CLVS2: variants seen among roughly 807,000 people sequenced by gnomAD.
The protein encoded by CLVS2 is clavesin-2.
In CLVS2, 19 loss-of-function variants were observed where a neutral mutation model predicts 29.0. The observed-to-expected ratio is 0.66, with a 90% CI of 0.46 to 0.96. The LOEUF (loss-of-function observed/expected upper bound fraction) is 0.96. Ranked by LOEUF, CLVS2 falls within the 40% of genes least tolerant of loss-of-function variation. The pLI, the probability that CLVS2 is intolerant of heterozygous loss-of-function variation, is 0.00. For synonymous variants in CLVS2, 161 were observed against 151.3 expected, an observed-to-expected ratio of 1.06 and a Z score of -0.47; for missense variants, 294 against 404.1, an observed-to-expected ratio of 0.73 and a Z score of 2.34.
chr6:123,004,665 C>A (rs1447473584), intron 2 of CLVS2, among the ~76,000 whole-genome samples: 2 of 152,168 alleles, frequency 1.3e-5, no homozygotes, highest in Non-Finnish European at 2.9e-5. Flanking sequence ...GTAATGCCAG[C>A]ACTTTGGGAG....
At chr6:123,056,997 G>A (rs1192593853) in intron 5 of CLVS2, among the ~76,000 whole-genome samples, 1 of 152,122 alleles carries the variant, frequency 6.6e-6, no homozygotes, top group East Asian at 1.9e-4. Context: ...TCAATAGTCT[G>A]GGGAGTTGTC....
intron 3 of CLVS2, among the ~76,000 whole-genome samples, chr6:123,041,081 G>A (rs960533853): frequency 1.3e-5 from 2 of 152,018 alleles, no homozygotes; most frequent in African/African-American, 4.8e-5. Flanking sequence ...TGAGCACCAC[G>A]TTGTTTTTTG....
rs2114377109 is a variant in CLVS2, at chr6:123,067,480, T to C, written c.*3719T>C. The C allele has an allele frequency of 6.6e-6, 1 of 151,828 alleles. No homozygotes were observed. Among genetic ancestry groups the C allele is most frequent in the South Asian group, 2.1e-4 (1 of 4,834 alleles). 9.4% of individuals were successfully genotyped at this position (151,828 alleles called of 1,614,324 possible). On this transcript the variant is annotated 3_prime_UTR_variant, in exon 6 of 6. Coordinates refer to ENST00000275162, the MANE Select transcript of CLVS2 (RefSeq NM_001010852.4). Reference sequence around the variant, plus strand: ...TTATTTAAAGGTCTGCCTTGTGTGGTTGGTGAATAATATCTCAGCTTCTTT... The same window carrying C: ...TTATTTAAAGGTCTGCCTTGTGTGGCTGGTGAATAATATCTCAGCTTCTTT...
At chr6:123,028,217 G>T (rs768608300) in intron 3 of CLVS2, among the ~76,000 whole-genome samples, 6 of 140,984 alleles carry the variant, frequency 4.3e-5, no homozygotes, top group Non-Finnish European at 9.1e-5. Context: ...ATTCTGTGTT[G>T]AACTGTTGGC....
chr6:123,035,041 C>T (rs1030240363), intron 3 of CLVS2, among the ~76,000 whole-genome samples: 2 of 151,996 alleles, frequency 1.3e-5, no homozygotes, highest in African/African-American at 4.8e-5. Flanking sequence ...GAAGAAAGAA[C>T]AGTTTATTAT....
chr6:123,063,959 A>G lies in CLVS2; in HGVS notation c.*198A>G. The G allele has an allele frequency of 2.3e-6, 1 of 439,018 alleles. No individual in the cohort carries two copies. 27.2% of individuals were successfully genotyped at this position (439,018 alleles called of 1,614,324 possible). ...TGGATTTTTAAAATGTCAATAATTT[A>G]TTCTGTAAGTGCCAAGTTGTTTGTA... On this transcript the variant is annotated 3_prime_UTR_variant, in exon 6 of 6. Coordinates refer to ENST00000275162, the MANE Select transcript of CLVS2 (RefSeq NM_001010852.4).
chr6:123,040,619 C>G (rs1775215109), intron 3 of CLVS2, among the ~76,000 whole-genome samples: 1 of 151,992 alleles, frequency 6.6e-6, no homozygotes, highest in Non-Finnish European at 1.5e-5. Context: ...ATGGTGAAAC[C>G]CTGTCTCTAC....
intron 2 of CLVS2, among the ~76,000 whole-genome samples, 184 bp downstream of exon 2, chr6:122,998,350 C>T (rs1774543340): frequency 6.6e-6 from 1 of 152,158 alleles, no homozygotes; most frequent in African/African-American, 2.4e-5. Context: ...TGTATTTTTA[C>T]TTTTAAAACT....
At chr6:123,003,360 T>C (rs1469883889) in intron 2 of CLVS2, among the ~76,000 whole-genome samples, 3 of 152,242 alleles carry the variant, frequency 2.0e-5, no homozygotes, top group Admixed American at 1.3e-4. Context: ...CAATAGTTAG[T>C]ATATTAAGAA....
chr6:123,052,770 G>A lies in CLVS2; in HGVS notation c.676-3036G>A, dbSNP rs149812452. Among the ~76,000 whole-genome samples the A allele has an allele frequency of 6.7e-4, 101 of 151,022 alleles. 9 individuals carry two copies. The highest frequency in any genetic ancestry group is 2.4e-3 in the African/African-American group (96 of 40,842). On this transcript the variant is annotated intron_variant, in intron 4 of 5. Transcript: ENST00000275162. ...CATTAACTGATGTTGGAGATAGGGA[G>A]GAGCATATTTGAGGTGGGGGAAGAT...
chr6:123,029,454 C>T (rs1775050861), intron 3 of CLVS2, among the ~76,000 whole-genome samples: 1 of 152,042 alleles, frequency 6.6e-6, no homozygotes, highest in African/African-American at 2.4e-5. Context: ...TCGTTGGAAG[C>T]ATTATAGACT....
chr6:123,049,811 C>G (rs13192619), intron 4 of CLVS2, among the ~76,000 whole-genome samples: 96,759 of 129,442 alleles, frequency 0.75, 35,734 homozygotes, highest in East Asian at 0.92. Context: ...GGATGGGGGG[C>G]GGGGAGGAAT....
rs1180057708 is a variant in CLVS2, at chr6:123,040,463, T to A, written c.565-8159T>A. Among the ~76,000 whole-genome samples, 5 of 151,742 alleles carry A rather than the reference T, an allele frequency of 3.3e-5. No homozygotes were observed. In the East Asian group the frequency reaches 9.7e-4, roughly 29 times the overall value. On this transcript the variant is annotated intron_variant, in intron 3 of 5. Transcript: ENST00000275162. ...AGACGAGAAAAAGAAAAAAAAAGAGTAACGTTGTGTTCTCCCCGCCATGGA... is the reference window on the plus strand; with the variant it reads ...AGACGAGAAAAAGAAAAAAAAAGAGAAACGTTGTGTTCTCCCCGCCATGGA...
chr6:123,051,804 G>A (rs1157301070), intron 4 of CLVS2, among the ~76,000 whole-genome samples: 1 of 152,104 alleles, frequency 6.6e-6, no homozygotes, highest in Non-Finnish European at 1.5e-5. Flanking sequence ...AGAGGCACAG[G>A]AACCAACAAG....
At chr6:123,030,681 T>A (rs1775070276) in intron 3 of CLVS2, among the ~76,000 whole-genome samples, 1 of 151,946 alleles carries the variant, frequency 6.6e-6, no homozygotes, top group Non-Finnish European at 1.5e-5. Flanking sequence ...CATGTTAATA[T>A]CTGAGACCAG....
intron 3 of CLVS2, among the ~76,000 whole-genome samples, chr6:123,034,458 C>A (rs910437054): frequency 6.6e-6 from 1 of 152,042 alleles, no homozygotes; most frequent in African/African-American, 2.4e-5. Context: ...GTGAGAAAAG[C>A]CAATCTCAAA....
intron 3 of CLVS2, among the ~76,000 whole-genome samples, chr6:123,038,824 A>G (rs1040902143): frequency 7.2e-5 from 11 of 152,158 alleles, no homozygotes; most frequent in African/African-American, 2.4e-4. Context: ...TGATTCCAAC[A>G]TTTTTCCTAA....
chr6:123,024,143 A>G (rs1467086582), intron 3 of CLVS2, among the ~76,000 whole-genome samples: 1 of 152,098 alleles, frequency 6.6e-6, no homozygotes, highest in East Asian at 1.9e-4. Context: ...TACCATCCCC[A>G]TTTTCTGAAA....
rs1772934388 is a variant in CLVS2, at chr6:123,070,826, C to A, written c.*7065C>A. On this transcript the variant is annotated 3_prime_UTR_variant, in exon 6 of 6. Coordinates refer to ENST00000275162, the MANE Select transcript of CLVS2 (RefSeq NM_001010852.4). The stretch of plus-strand genomic sequence containing the variant: ...CTGCCAAACTGTCATCTTTGCTGTT[C>A]CAGGAACTTGCTAAGCATGCCTCTA... The A allele has an allele frequency of 6.6e-6, 1 of 151,992 alleles. No homozygotes were observed. Among genetic ancestry groups the A allele is most frequent in the African/African-American group, 2.4e-5 (1 of 41,416 alleles). 9.4% of individuals were successfully genotyped at this position (151,992 alleles called of 1,614,324 possible). A position where few individuals can be genotyped will look rare whatever the true frequency, so the allele number is the denominator to read the frequency against.
Sources: allele counts gnomAD v4.1 joint callset (sites outside exome capture counted in the v4.1 genomes callset), GRCh38; gene constraint gnomAD v4.1.1; transcripts MANE v1.5; gene names NCBI Gene and HGNC (gene_info 2026-07-23, HGNC 2026-07-21).